Variants in MAP3K15 observed in about 807,000 individuals in gnomAD.
MAP3K15 encodes the protein MAPK/ERK kinase kinase 15.
Under a neutral mutation model 99.5 loss-of-function variants are expected in MAP3K15, and 124 were observed. The ratio of observed to expected loss-of-function variants is 1.25; its 90% CI spans 1.08 to 1.45. The LOEUF is 1.45. Ranked by LOEUF, MAP3K15 falls within the 40% of genes most tolerant of loss-of-function variation. The pLI, the probability that MAP3K15 is intolerant of heterozygous loss-of-function variation, is 0.00. For missense variants in MAP3K15, 1,242 were observed against 1,079.7 expected, an observed-to-expected ratio of 1.15 and a Z score of -2.11; for synonymous variants, 494 against 439.6, an observed-to-expected ratio of 1.12 and a Z score of -1.55.
intron 25 of MAP3K15, 139 bp downstream of exon 25, chrX:19,368,915 C>T (rs1416006928): frequency 1.8e-6 from 1 of 551,215 alleles, no homozygotes; most frequent in East Asian, 4.3e-5. Flanking sequence ...GCGCCCTTGC[C>T]TAGTTCGTGG....
rs181832237 is a variant in MAP3K15 at position 19,365,809 on chromosome X, C to A, written c.3567-2959G>T. The stretch of plus-strand genomic sequence containing the variant: ...ATCACCTGAGGTCAGGAGTTTGAGA[C>A]CGGCCTGGCCAATATGGTGAAACCC... On this transcript the variant is annotated intron_variant, in intron 25 of 28. Coordinates refer to ENST00000338883, the MANE Select transcript of MAP3K15 (RefSeq NM_001001671.4). Among the ~76,000 whole-genome samples the A allele has an allele frequency of 3.4e-3, 373 of 110,011 alleles. 2 individuals carry two copies. The highest frequency in any genetic ancestry group is 0.011 in the African/African-American group (331 of 30,273).
At chrX:19,412,933 T>C (rs1442041993) in intron 11 of MAP3K15, among the ~76,000 whole-genome samples, 1 of 108,259 alleles carries the variant, frequency 9.2e-6, no homozygotes, top group Non-Finnish European at 1.9e-5. Flanking sequence ...AGAGACGGGG[T>C]TTTGATGTGT....
intron 13 of MAP3K15, among the ~76,000 whole-genome samples, chrX:19,405,297 T>C (rs985569074): frequency 4.5e-5 from 5 of 112,000 alleles, no homozygotes; most frequent in Admixed American, 1.9e-4. Context: ...AGAAATATTG[T>C]GTCCCTTGTT....
intron 9 of MAP3K15, among the ~76,000 whole-genome samples, chrX:19,419,708 C>G (rs1307026813): frequency 9.0e-6 from 1 of 111,650 alleles, no homozygotes; most frequent in African/African-American, 3.3e-5. Flanking sequence ...ATCTACAGAA[C>G]TCTCCACCCC....
rs781360278 is a variant in MAP3K15 at position 19,417,441 on chromosome X, A to G, written c.1440-2184T>C. On this transcript the variant is annotated intron_variant, in intron 9 of 28. Transcript: ENST00000338883. Reference sequence around the variant, plus strand: ...GGGTCCTACGCCCAGAGCCTCACTCATTGCTAGCACAGCAGTCTGAGATCA... The same window carrying G: ...GGGTCCTACGCCCAGAGCCTCACTCGTTGCTAGCACAGCAGTCTGAGATCA... 5.4e-3 allele frequency among the ~76,000 whole-genome samples: 603 copies of G among 111,962 alleles called. 2 individuals carry two copies. The highest frequency in any genetic ancestry group is 9.2e-3 in the Non-Finnish European group (487 of 53,104).
chrX:19,432,108 T>C (rs1009500213), intron 6 of MAP3K15, among the ~76,000 whole-genome samples: 1 of 110,741 alleles, frequency 9.0e-6, no homozygotes, highest in African/African-American at 3.3e-5. Context: ...GTAAACCTTA[T>C]ACAATTACAC....
rs370530366 is a variant in MAP3K15, at chrX:19,380,143, C to G, written c.2566G>C (p.Glu856Gln). The G allele has an allele frequency of 1.7e-6, 2 of 1,197,746 alleles. No homozygotes were observed. The highest frequency in any genetic ancestry group is 2.2e-6 in the Non-Finnish European group (2 of 889,519). The change falls in exon 19 of 29, where the codon GAG (glutamate) becomes CAG (glutamine). Residue 856 changes from glutamate to glutamine, a missense_variant. Physicochemically the swap from Glu to Gln is conservative, Grantham distance 29. Transcript: ENST00000338883. ...ACTTTGAACATGGCTGCCTGCGGCT[C>G]ACCAAGCTCATGGAACGGAGGCTTG... is the stretch of plus-strand genomic sequence containing the variant. ...TSKPPFHELG[E>Q]PQAAMFKVGM...
chrX:19,498,412 A>T (rs2064420440), intron 1 of MAP3K15, among the ~76,000 whole-genome samples: 1 of 111,622 alleles, frequency 9.0e-6, no homozygotes, highest in African/African-American at 3.3e-5. Flanking sequence ...GCTCAGAGAT[A>T]TTAAGTAAGT....
At chrX:19,361,895 C>T (rs73453487) in intron 26 of MAP3K15, among the ~76,000 whole-genome samples, 1,294 of 112,241 alleles carry the variant, frequency 0.012, 29 homozygotes, top group African/African-American at 0.04. Context: ...ACATCCCTAA[C>T]TGCACTGGAA....
rs1315651384 is a variant in MAP3K15, at chrX:19,447,145, T to G, written c.995+9768A>C. 2.7e-5 allele frequency among the ~76,000 whole-genome samples: 3 copies of G among 111,423 alleles called. No individual in the cohort carries two copies. In the East Asian group the frequency reaches 8.5e-4, roughly 32 times the overall value. ...GTTGCTCAGGCTGGTCTCAGACTCC[T>G]GACCTCAGGAGTTGCTGGGATTACA... On this transcript the variant is annotated intron_variant, in intron 6 of 28. Transcript: ENST00000338883.
intron 1 of MAP3K15, 109 bp from the exon 2 acceptor site, chrX:19,489,076 G>C: frequency 1.4e-6 from 1 of 704,496 alleles, no homozygotes; most frequent in Non-Finnish European, 2.1e-6. Context: ...TCTGTCATCA[G>C]CCTGTTAGGT....
At position 19,434,328 on chromosome X, in the gene MAP3K15, G is replaced by A. The variant is rs368052206; in HGVS notation, c.996-2720C>T. Reference sequence around the variant, plus strand: ...GCAACTCTGCCTCTCAGGTTCAAGCGATTCTTCCACCTCAGCCTCCCAAGT... The same window carrying A: ...GCAACTCTGCCTCTCAGGTTCAAGCAATTCTTCCACCTCAGCCTCCCAAGT... On this transcript the variant is annotated intron_variant, in intron 6 of 28. Coordinates refer to ENST00000338883, the MANE Select transcript of MAP3K15 (RefSeq NM_001001671.4). 1.3e-3 allele frequency among the ~76,000 whole-genome samples: 146 copies of A among 108,755 alleles called. 1 individual carries two copies. Among genetic ancestry groups the A allele is most frequent in the East Asian group, 7.2e-3 (25 of 3,470 alleles). The allele number at this position is 108,755 out of a possible 115,157, so 94.4% of individuals were successfully genotyped here.
intron 25 of MAP3K15, among the ~76,000 whole-genome samples, chrX:19,367,905 C>T (rs902551187): frequency 1.9e-5 from 2 of 105,323 alleles, no homozygotes; most frequent in East Asian, 6.0e-4. Context: ...AGTTCCACCA[C>T]GCCCAGCTAA....
At position 19,456,931 on chromosome X, in the gene MAP3K15, T is replaced by C; in HGVS notation, c.977A>G (p.Tyr326Cys). Residue 326 changes from tyrosine (Y) to cysteine (C), a missense_variant, in exon 6 of 29, where the codon TAT (tyrosine) becomes TGT (cysteine). Coordinates refer to ENST00000338883, the MANE Select transcript of MAP3K15 (RefSeq NM_001001671.4). Reference sequence around the variant, plus strand: ...TTCTTACCTATTCAGTGCAAACGCATAGTGGAATTTAATGTTATGCTGATC... The same window carrying C: ...TTCTTACCTATTCAGTGCAAACGCACAGTGGAATTTAATGTTATGCTGATC... ...LADQHNIKFH[Y>C]AFALNRRNST... is the part of the protein sequence containing the mutation. 1.7e-6 allele frequency: 2 copies of C among 1,193,968 alleles called. No individual in the cohort carries two copies. Among genetic ancestry groups the C allele is most frequent in the Non-Finnish European group, 2.2e-6 (2 of 889,985 alleles).
chrX:19,495,914 C>T (rs2064398121), intron 1 of MAP3K15, among the ~76,000 whole-genome samples: 1 of 110,726 alleles, frequency 9.0e-6, no homozygotes, highest in African/African-American at 3.3e-5. Flanking sequence ...TATGATTGTG[C>T]CACTGCACTC....
chrX:19,438,118 T>C (rs764851386), intron 6 of MAP3K15, among the ~76,000 whole-genome samples: 2 of 111,594 alleles, frequency 1.8e-5, no homozygotes, highest in East Asian at 5.6e-4. Flanking sequence ...ATCACTTTTG[T>C]TTTTTTGAGG....
intron 9 of MAP3K15, among the ~76,000 whole-genome samples, 172 bp downstream of exon 9, chrX:19,425,359 C>A (rs938285783): frequency 3.6e-5 from 4 of 111,982 alleles, no homozygotes; most frequent in African/African-American, 1.3e-4. Flanking sequence ...CTGTGTGGAT[C>A]TGTCTTTCCC....
In MAP3K15 at chrX:19,363,414, T is replaced by C. The variant is rs990269436; in HGVS notation, c.3567-564A>G. ...TTTCTGTTGTTTATAAGCTGCCTGGTCTCTGGTTATTTTGTTACAGTAGCC... is the reference window on the plus strand; with the variant it reads ...TTTCTGTTGTTTATAAGCTGCCTGGCCTCTGGTTATTTTGTTACAGTAGCC... On this transcript the variant is annotated intron_variant, in intron 25 of 28. Transcript: ENST00000338883. Among the ~76,000 whole-genome samples the C allele has an allele frequency of 8.2e-4, 92 of 112,096 alleles. 1 individual carries two copies. Among genetic ancestry groups the C allele is most frequent in the Non-Finnish European group, 1.9e-4 (10 of 53,189 alleles).
chrX:19,400,669 A>G lies in MAP3K15; in HGVS notation c.1845-6T>C. 2.6e-6 allele frequency: 3 copies of G among 1,166,837 alleles called. No homozygotes were observed. In the East Asian group the frequency reaches 8.9e-5, roughly 35 times the overall value. The stretch of plus-strand genomic sequence containing the variant: ...CTTTGACCAAAGAGAAAAATCTAGA[A>G]CAGCAAGTGTCACAAATACGTTGCC... On this transcript the variant is annotated splice_region_variant and splice_polypyrimidine_tract_variant and intron_variant, in intron 13 of 28. Coordinates refer to ENST00000338883, the MANE Select transcript of MAP3K15 (RefSeq NM_001001671.4).
Sources: gnomAD v4.1 joint callset for allele counts (sites outside exome capture counted in the v4.1 genomes callset) on GRCh38, gnomAD v4.1.1 for gene constraint, MANE v1.5 for transcripts, NCBI Gene and HGNC (gene_info 2026-07-23, HGNC 2026-07-21) for gene names.